Variants in ATP2B2 observed in about 807,000 individuals in gnomAD.
ATP2B2 encodes plasma membrane calcium-transporting ATPase 2.
Under a neutral mutation model 120.0 loss-of-function variants are expected in ATP2B2, and 15 were observed. That is an observed-to-expected ratio of 0.12 (90% confidence interval 0.08 to 0.19). ATP2B2 has a LOEUF of 0.19. Among genes scored for constraint, ATP2B2 ranks in the 10% least tolerant of loss-of-function variants. ATP2B2 has a pLI of 1.00. For missense variants in ATP2B2, 1,045 were observed against 1,719.8 expected (o/e 0.61, Z 6.94); for synonymous variants, 694 against 700.3 (o/e 0.99, Z 0.14).
At chr3:10,492,789 T>G (rs2065983554) in intron 1 of ATP2B2, among the ~76,000 whole-genome samples, 1 of 152,176 alleles carries the variant, frequency 6.6e-6, no homozygotes. Flanking sequence ...GTCTTGCAGA[T>G]ACCGGGTCAA....
chr3:10,327,555 C>T lies in ATP2B2; in HGVS notation c.*1259G>A, dbSNP rs923229077. ...GTTACTAAATAAAAAAAAAAATCAA[C>T]ACAATACCATTTATAATATTTCAAC... On this transcript the variant is annotated 3_prime_UTR_variant, in exon 23 of 23. Transcript: ENST00000360273. 1.3e-5 allele frequency: 2 copies of T among 152,468 alleles called. No homozygotes were observed. Among genetic ancestry groups the T allele is most frequent in the East Asian group, 1.9e-4 (1 of 5,194 alleles). 9.4% of individuals were successfully genotyped at this position (152,468 alleles called of 1,614,324 possible).
rs779567926 is a variant in ATP2B2 at position 10,402,521 on chromosome 3, A to T, written c.398-173T>A. ...GCCCTGTGGAAAGTGCTTCACGCAG[A>T]TCATCTCACAGGGTATTCCCGCTGC... is the stretch of plus-strand genomic sequence containing the variant. On this transcript the variant is annotated intron_variant, in intron 3 of 22. Transcript: ENST00000360273. The surrounding 1 kb of genome is among the most constrained non-coding windows in gnomAD (Gnocchi z 4.9). 2.0e-5 allele frequency among the ~76,000 whole-genome samples: 3 copies of T among 152,266 alleles called. No homozygotes were observed. Among genetic ancestry groups the T allele is most frequent in the Non-Finnish European group, 4.4e-5 (3 of 68,048 alleles).
At chr3:10,486,324 C>CGTGTGTGCGTGTGTGTGTGTGT (rs763360449) in intron 1 of ATP2B2, among the ~76,000 whole-genome samples, 2 of 117,174 alleles carry the variant, frequency 1.7e-5, no homozygotes, top group South Asian at 5.1e-4. Context: ...TGTGTGCGTG[C>CGTGTGTGCGTGTGTGTGTGTGT]GTGTGTGTGT....
intron 1 of ATP2B2, among the ~76,000 whole-genome samples, chr3:10,483,296 C>T (rs1208896317): frequency 6.6e-6 from 1 of 152,206 alleles, no homozygotes; most frequent in African/African-American, 2.4e-5. Flanking sequence ...GGCGTAGGTC[C>T]CAGGGCAGGG....
chr3:10,334,391 A>G (rs1342025609), intron 22 of ATP2B2, among the ~76,000 whole-genome samples: 2 of 152,128 alleles, frequency 1.3e-5, no homozygotes, highest in Non-Finnish European at 2.9e-5. Context: ...ACCTCAGGAT[A>G]GGTGGGGGTG....
chr3:10,366,041 C>T (rs73129286), intron 12 of ATP2B2, among the ~76,000 whole-genome samples: 1,774 of 152,204 alleles, frequency 0.012, 42 homozygotes, highest in African/African-American at 0.04. Flanking sequence ...GTTTCACATA[C>T]CCCAGGGCCC....
At position 10,635,671 on chromosome 3, in the gene ATP2B2, G is replaced by A. The variant is rs546655017; in HGVS notation, c.-459-15710C>T. ...GTAGCATTTTGCACGCGACAAGGAC[G>A]CAGCATCCTCAGGCCTCCTTCCATA... On this transcript the variant is annotated intron_variant, in intron 1 of 21. Transcript: ENST00000646379. The surrounding 1 kb of genome is among the most constrained non-coding windows in gnomAD (Gnocchi z 4.3). 1.3e-5 allele frequency among the ~76,000 whole-genome samples: 2 copies of A among 152,310 alleles called. No homozygotes were observed. The highest frequency in any genetic ancestry group is 6.5e-5 in the Admixed American group (1 of 15,308).
intron 1 of ATP2B2, among the ~76,000 whole-genome samples, chr3:10,663,308 C>G (rs575841270): frequency 6.6e-6 from 1 of 152,230 alleles, no homozygotes; most frequent in African/African-American, 2.4e-5. Context: ...AATGGGAACA[C>G]AGTTACACTT....
chr3:10,570,827 G>T (rs568973234), intron 2 of ATP2B2, among the ~76,000 whole-genome samples: 1 of 152,340 alleles, frequency 6.6e-6, no homozygotes, highest in South Asian at 2.1e-4. Context: ...TCAACGCCCT[G>T]CTGTACTGAC....
rs1181630510 is a variant in ATP2B2 at position 10,332,081 on chromosome 3, T to C, written c.3421-2956A>G. 3 of 1,523,584 alleles carry C rather than the reference T, an allele frequency of 2.0e-6. No homozygotes were observed. The Admixed American group carries it at 5.9e-5, about 30-fold the overall frequency. 94.4% of individuals were successfully genotyped at this position (1,523,584 alleles called of 1,614,324 possible). A position where few individuals can be genotyped will look rare whatever the true frequency, so the allele number is the denominator to read the frequency against. ...GGAATATTCAGACAGTGGAGAGGTC[T>C]AGGGTTCCCCCCACAAAGCAAGCCA... On this transcript the variant is annotated intron_variant, in intron 22 of 22. Transcript: ENST00000360273.
At chr3:10,537,869 G>A (rs1311646137) in intron 2 of ATP2B2, among the ~76,000 whole-genome samples, 2 of 152,126 alleles carry the variant, frequency 1.3e-5, no homozygotes, top group African/African-American at 4.8e-5. Flanking sequence ...AATGGGTGTT[G>A]AATTTGCTTT....
intron 1 of ATP2B2, among the ~76,000 whole-genome samples, chr3:10,490,662 G>C (rs1338866487): frequency 7.1e-6 from 1 of 140,784 alleles, no homozygotes; most frequent in Non-Finnish European, 1.5e-5. Flanking sequence ...GCATCCCAAA[G>C]TGCTGGGATT....
At position 10,355,940 on chromosome 3, in the gene ATP2B2, TA is replaced by T. The variant is rs1315507398; in HGVS notation, c.2136+2750del. 4.0e-4 allele frequency among the ~76,000 whole-genome samples: 30 copies of T among 75,778 alleles called. 13 individuals are homozygous for T. Among genetic ancestry groups the T allele is most frequent in the East Asian group, 0.048 (2 of 42 alleles). 49.7% of individuals were successfully genotyped at this position (75,778 alleles called of 152,430 possible). The stretch of plus-strand genomic sequence containing the variant: ...AATACAAAAAATTAGCCGGGCGTGG[TA>T]GCGGGCGCCTGTAGTCCCAGCTACT... On this transcript the variant is annotated intron_variant, in intron 14 of 22. Transcript: ENST00000360273.
intron 2 of ATP2B2, among the ~76,000 whole-genome samples, chr3:10,557,697 A>G (rs914346222): frequency 2.0e-5 from 3 of 152,190 alleles, no homozygotes; most frequent in African/African-American, 7.2e-5. Context: ...CCTGTGTACC[A>G]GAGGGTACAT....
At chr3:10,409,862 T>C (rs13317445) in intron 3 of ATP2B2, among the ~76,000 whole-genome samples, 17,740 of 152,236 alleles carry the variant, frequency 0.12, 3,324 homozygotes, top group African/African-American at 0.4. Context: ...TTAGGAAATG[T>C]TGAATCACAA....
intron 1 of ATP2B2, among the ~76,000 whole-genome samples, chr3:10,647,174 C>T (rs891616464): frequency 6.6e-6 from 1 of 152,080 alleles, no homozygotes; most frequent in African/African-American, 2.4e-5. Flanking sequence ...GTGTCCAGCC[C>T]ATGGGGAGGG....
intron 1 of ATP2B2, among the ~76,000 whole-genome samples, chr3:10,680,149 C>T (rs1457995500): frequency 6.6e-6 from 1 of 152,198 alleles, no homozygotes; most frequent in African/African-American, 2.4e-5. Flanking sequence ...AAAATAATAT[C>T]TTGAAGATCC....
At chr3:10,664,891 C>T (rs2070886578) in intron 1 of ATP2B2, among the ~76,000 whole-genome samples, 1 of 152,174 alleles carries the variant, frequency 6.6e-6, no homozygotes, top group African/African-American at 2.4e-5. Context: ...TGCCCCCATG[C>T]CTATCCAGAA....
chr3:10,683,778 A>ATATG (rs1559520164), intron 1 of ATP2B2, among the ~76,000 whole-genome samples: 1 of 101,958 alleles, frequency 9.8e-6, no homozygotes, highest in Non-Finnish European at 1.9e-5. Flanking sequence ...ATATATATAT[A>ATATG]TATATATATA....
Sources: allele counts gnomAD v4.1 joint callset (sites outside exome capture counted in the v4.1 genomes callset), GRCh38; gene constraint gnomAD v4.1.1; non-coding constraint Gnocchi (gnomAD v3.1); transcripts MANE v1.5; gene names NCBI Gene and HGNC (gene_info 2026-07-23, HGNC 2026-07-21).